MMRN1: variants seen among roughly 807,000 people sequenced by gnomAD.
MMRN1 encodes multimerin 1.
MMRN1 carries 94 observed loss-of-function variants against 100.7 expected under a neutral mutation model. The observed-to-expected ratio is 0.93, with a 90% CI of 0.79 to 1.11. The LOEUF is 1.11. Among genes scored for constraint, MMRN1 ranks in the 50% least tolerant of loss-of-function variants. The pLI is 0.00. For missense variants in MMRN1, 1,606 were observed against 1,439.1 expected, an observed-to-expected ratio of 1.12 and a Z score of -1.88; for synonymous variants, 575 against 505.0, an observed-to-expected ratio of 1.14 and a Z score of -1.86.
chr4:89,893,591 A>G (rs1191442606), upstream of MMRN1, among the ~76,000 whole-genome samples: 1 of 152,164 alleles, frequency 6.6e-6, no homozygotes, highest in Non-Finnish European at 1.5e-5. Context: ...ATGACTGAAT[A>G]TTTAGCAAGA....
chr4:89,935,599 A>G lies in MMRN1; in HGVS notation c.1919A>G (p.Asn640Ser). The G allele has an allele frequency of 6.2e-7, 1 of 1,613,580 alleles. No homozygotes were observed. Among genetic ancestry groups the G allele is most frequent in the African/African-American group, 1.3e-5 (1 of 75,020 alleles). Residue 640 changes from asparagine to serine, a missense_variant, in exon 6 of 8, where the codon AAT becomes AGT. Asn to Ser is a conservative substitution (Grantham distance 46). Transcript: ENST00000264790. ...NKMDKMSEQL[N>S]DLTYDMEILQ... is the part of the protein sequence containing the mutation. ...ATGGACAAAATGAGTGAGCAACTAA[A>G]TGATTTGACTTATGATATGGAGATC...
In MMRN1 at chr4:89,925,838, T is replaced by C. The variant is rs910005289; in HGVS notation, c.956-1957T>C. ...AACCATCCTTGTACTCTCTATCTCCTTGAGTTCAATTGTTTTGATGTTTAG... is the reference window on the plus strand; with the variant it reads ...AACCATCCTTGTACTCTCTATCTCCCTGAGTTCAATTGTTTTGATGTTTAG... On this transcript the variant is annotated intron_variant, in intron 4 of 7. Coordinates refer to ENST00000264790, the MANE Select transcript of MMRN1 (RefSeq NM_007351.3). Among the ~76,000 whole-genome samples the C allele has an allele frequency of 5.3e-5, 8 of 152,258 alleles. No individual in the cohort carries two copies. In the East Asian group the frequency reaches 1.6e-3, roughly 30 times the overall value.
chr4:89,880,174 T>A (rs1720788683), intron 1 of MMRN1, among the ~76,000 whole-genome samples: 1 of 152,154 alleles, frequency 6.6e-6, no homozygotes, highest in African/African-American at 2.4e-5. Context: ...AATTAAAACA[T>A]GAAATCAGTT....
At chr4:89,929,568 G>A (rs1368762784) in intron 5 of MMRN1, among the ~76,000 whole-genome samples, 1 of 152,078 alleles carries the variant, frequency 6.6e-6, no homozygotes, top group Non-Finnish European at 1.5e-5. Context: ...GCAAGATTTG[G>A]TTCTCATGAC....
chr4:89,917,380 C>T (rs1721954511), intron 3 of MMRN1, among the ~76,000 whole-genome samples: 1 of 151,860 alleles, frequency 6.6e-6, no homozygotes, highest in South Asian at 2.1e-4. Context: ...ATTGAGGTCT[C>T]TCCACTTCGG....
At chr4:89,890,465 A>G (rs1011851248), upstream of MMRN1, among the ~76,000 whole-genome samples, 4 of 151,966 alleles carry the variant, frequency 2.6e-5, no homozygotes, top group Non-Finnish European at 5.9e-5. Context: ...TCCTTGGGTC[A>G]CCTAGCCATT....
At chr4:89,892,262 A>C (rs1214610033), upstream of MMRN1, among the ~76,000 whole-genome samples, 1 of 151,806 alleles carries the variant, frequency 6.6e-6, no homozygotes, top group Non-Finnish European at 1.5e-5. Context: ...CAAGATGGTA[A>C]AACATAATTT....
chr4:89,899,730 G>C (rs1270594424), intron 1 of MMRN1, among the ~76,000 whole-genome samples: 2 of 151,958 alleles, frequency 1.3e-5, no homozygotes, highest in Non-Finnish European at 2.9e-5. Context: ...AGAAACCTTG[G>C]ATAGATCTTT....
chr4:89,913,529 C>A (rs1364400736), intron 3 of MMRN1, among the ~76,000 whole-genome samples: 1 of 151,260 alleles, frequency 6.6e-6, no homozygotes, highest in African/African-American at 2.4e-5. Context: ...ACCAGAACAT[C>A]ACTGTAAATA....
In MMRN1 at chr4:89,887,380, A is replaced by G. The variant is rs76632336; in HGVS notation, c.-248-7344A>G. Among the ~76,000 whole-genome samples, 628 of 152,210 alleles carry G rather than the reference A, an allele frequency of 4.1e-3. 3 individuals are homozygous for G. Among genetic ancestry groups the G allele is most frequent in the South Asian group, 6.6e-3 (32 of 4,822 alleles). On this transcript the variant is annotated intron_variant, in intron 1 of 8. Transcript: ENST00000394980. ...AAAAGAACAAAGTTGGAGGAATCATATTACCTGTCTTCAAATTATACTACA... is the reference window on the plus strand; with the variant it reads ...AAAAGAACAAAGTTGGAGGAATCATGTTACCTGTCTTCAAATTATACTACA...
intron 4 of MMRN1, among the ~76,000 whole-genome samples, chr4:89,925,683 A>T (rs895223072): frequency 6.6e-6 from 1 of 151,958 alleles, no homozygotes; most frequent in Non-Finnish European, 1.5e-5. Flanking sequence ...AAAAAAAATT[A>T]GCCACACGTG....
At chr4:89,947,277 A>G (rs902860772) in intron 6 of MMRN1, among the ~76,000 whole-genome samples, 1 of 152,194 alleles carries the variant, frequency 6.6e-6, no homozygotes, top group Non-Finnish European at 1.5e-5. Flanking sequence ...GCGAGACTCC[A>G]TCTCAAAAAT....
chr4:89,921,260 T>G (rs942074314), intron 3 of MMRN1, among the ~76,000 whole-genome samples: 1 of 152,128 alleles, frequency 6.6e-6, no homozygotes, highest in Non-Finnish European at 1.5e-5. Flanking sequence ...CTATAAATAT[T>G]TATAAGTTAG....
intron 6 of MMRN1, among the ~76,000 whole-genome samples, chr4:89,937,643 G>A (rs770139951): frequency 4.6e-5 from 7 of 152,056 alleles, no homozygotes; most frequent in Non-Finnish European, 1.0e-4. Context: ...TTTAAGTGAT[G>A]AGATTGCAGT....
Position 89,895,138 on chromosome 4 carries a change from C to T in MMRN1, c.167C>T (p.Pro56Leu). 6.2e-7 allele frequency: 1 copy of T among 1,613,838 alleles called. No homozygotes were observed. The highest frequency in any genetic ancestry group is 1.1e-5 in the South Asian group (1 of 91,080). Residue 56 changes from proline (P) to leucine (L), a missense_variant, in exon 1 of 8, where the codon CCA becomes CTA. Coordinates refer to ENST00000264790, the MANE Select transcript of MMRN1 (RefSeq NM_007351.3). The part of the protein sequence containing the change: ...PNKIQSLQIL[P>L]TTRVMSAEIA... Reference sequence around the variant, plus strand: ...AAAATACAAAGTTTGCAAATACTGCCAACCACTCGGGTCATGTCGGCGGAG... The same window carrying T: ...AAAATACAAAGTTTGCAAATACTGCTAACCACTCGGGTCATGTCGGCGGAG...
intron 5 of MMRN1, 118 bp from the exon 6 acceptor site, chr4:89,934,692 A>T: frequency 2.0e-6 from 1 of 508,852 alleles, no homozygotes; most frequent in Middle Eastern, 5.6e-4. Context: ...AAATGTAGTT[A>T]AGAGGTATTT....
At chr4:89,888,563 T>A (rs1236283981) in intron 1 of MMRN1, among the ~76,000 whole-genome samples, 1 of 151,972 alleles carries the variant, frequency 6.6e-6, no homozygotes. Context: ...CTTTATTCCC[T>A]CCATTTATAG....
At chr4:89,925,400 A>G (rs1722218413) in intron 4 of MMRN1, among the ~76,000 whole-genome samples, 1 of 141,560 alleles carries the variant, frequency 7.1e-6, no homozygotes, top group East Asian at 2.0e-4. Context: ...CACCTGCCTC[A>G]GCCTCCCAAA....
chr4:89,931,315 A>T (rs1404929960), intron 5 of MMRN1, among the ~76,000 whole-genome samples: 1 of 152,162 alleles, frequency 6.6e-6, no homozygotes, highest in Non-Finnish European at 1.5e-5. Flanking sequence ...ACTCTTTCAC[A>T]TATTTTTATG....
Sources: allele counts gnomAD v4.1 joint callset (sites outside exome capture counted in the v4.1 genomes callset), GRCh38; gene constraint gnomAD v4.1.1; transcripts MANE v1.5; gene names NCBI Gene and HGNC (gene_info 2026-07-23, HGNC 2026-07-21).